Variants in MAP2 observed in about 807,000 individuals in gnomAD.
The protein encoded by MAP2 is microtubule-associated protein 2.
Under a neutral mutation model 137.6 loss-of-function variants are expected in MAP2, and 14 were observed. That is an observed-to-expected ratio of 0.10 (90% CI 0.07 to 0.16). The LOEUF is 0.16. Ranked by LOEUF, MAP2 falls within the 10% of genes least tolerant of loss-of-function variation. MAP2 has a pLI of 1.00. For missense variants in MAP2, 2,088 were observed against 2,191.5 expected (o/e 0.95, Z 0.94); for synonymous variants, 786 against 782.3 (o/e 1.00, Z -0.08).
chr2:209,489,853 A>T (rs757162558), intron 1 of MAP2, among the ~76,000 whole-genome samples: 8 of 152,248 alleles, frequency 5.3e-5, no homozygotes, highest in Non-Finnish European at 8.8e-5. Context: ...AATGGAACCA[A>T]GATGGAAAAC....
chr2:209,513,325 T>C (rs1319129775), intron 2 of MAP2, among the ~76,000 whole-genome samples: 1 of 152,146 alleles, frequency 6.6e-6, no homozygotes, highest in African/African-American at 2.4e-5. Context: ...GTTATGATTG[T>C]ATCTGGATAG....
chr2:209,470,208 T>C (rs1001972067), intron 1 of MAP2, among the ~76,000 whole-genome samples: 1 of 152,168 alleles, frequency 6.6e-6, no homozygotes. Flanking sequence ...AAACAATGCT[T>C]TGGGCAAGGC....
chr2:209,688,180 A>G (rs937176457), intron 7 of MAP2, among the ~76,000 whole-genome samples: 6 of 152,252 alleles, frequency 3.9e-5, no homozygotes, highest in East Asian at 3.9e-4. Flanking sequence ...CTTTTTCTGT[A>G]TCATTGCTTC....
intron 1 of MAP2, among the ~76,000 whole-genome samples, chr2:209,452,926 T>G (rs1475460383): frequency 6.6e-6 from 1 of 152,206 alleles, no homozygotes; most frequent in Non-Finnish European, 1.5e-5. Context: ...ATATAAATAA[T>G]TTATACCTAT....
chr2:209,677,829 C>T (rs573292976), intron 5 of MAP2, among the ~76,000 whole-genome samples: 52 of 151,980 alleles, frequency 3.4e-4, no homozygotes, highest in African/African-American at 1.2e-3. Context: ...AATATCAACT[C>T]TCTAGAAAAA....
At chr2:209,504,212 A>G (rs930900851) in intron 1 of MAP2, among the ~76,000 whole-genome samples, 1 of 152,232 alleles carries the variant, frequency 6.6e-6, no homozygotes, top group African/African-American at 2.4e-5. Flanking sequence ...GTCTTTCCAG[A>G]CACATTATGG....
At position 209,703,827 on chromosome 2, in the gene MAP2, G is replaced by A. The variant is rs116040563; in HGVS notation, c.4585-1753G>A. Among the ~76,000 whole-genome samples, 982 of 152,058 alleles carry A rather than the reference G, an allele frequency of 6.5e-3. 8 individuals carry two copies. The highest frequency in any genetic ancestry group is 0.021 in the African/African-American group (865 of 41,500). On this transcript the variant is annotated intron_variant, in intron 11 of 15. Transcript: ENST00000682079. Reference sequence around the variant, plus strand: ...CAATTATCCGCTGGTTCTCTACTGCGTACCAAACATAAACAATCACATTTG... The same window carrying A: ...CAATTATCCGCTGGTTCTCTACTGCATACCAAACATAAACAATCACATTTG...
chr2:209,524,822 G>GA (rs1465588905), intron 2 of MAP2, among the ~76,000 whole-genome samples: 5 of 151,960 alleles, frequency 3.3e-5, no homozygotes, highest in Non-Finnish European at 5.9e-5. Flanking sequence ...CAAAGGGTGT[G>GA]AAAAAAGTTA....
At chr2:209,722,539 A>C (rs1309600768) in intron 13 of MAP2, among the ~76,000 whole-genome samples, 2 of 151,986 alleles carry the variant, frequency 1.3e-5, no homozygotes. Context: ...TAGCTATTGC[A>C]GAGGTGGGGA....
chr2:209,453,381 G>A (rs966350309), intron 1 of MAP2, among the ~76,000 whole-genome samples: 8 of 152,056 alleles, frequency 5.3e-5, no homozygotes, highest in African/African-American at 1.9e-4. Context: ...TGAATTTCAT[G>A]TGTTAAAAAG....
At chr2:209,660,886 C>T (rs2043242216) in intron 5 of MAP2, among the ~76,000 whole-genome samples, 1 of 150,060 alleles carries the variant, frequency 6.7e-6, no homozygotes, top group Non-Finnish European at 1.5e-5. Context: ...AGGTGCCCGC[C>T]ACCACGCCCG....
chr2:209,664,746 G>A (rs2045459783), intron 5 of MAP2, among the ~76,000 whole-genome samples: 3 of 152,014 alleles, frequency 2.0e-5, no homozygotes, highest in Admixed American at 2.0e-4. Context: ...CAGATCACGA[G>A]GTCAGGAGAT....
intron 2 of MAP2, among the ~76,000 whole-genome samples, chr2:209,575,518 C>CAAAAAAAAAAAAAAAAAAA (rs71043942): frequency 3.5e-5 from 1 of 28,374 alleles, no homozygotes; most frequent in African/African-American, 8.5e-5. Context: ...GACTCCATCT[C>CAAAAAAAAAAAAAAAAAAA]AAAAAAAAAA....
chr2:209,708,182 G>C (rs950510939), intron 12 of MAP2, among the ~76,000 whole-genome samples: 1 of 152,076 alleles, frequency 6.6e-6, no homozygotes, highest in Non-Finnish European at 1.5e-5. Context: ...AGACATCTAC[G>C]TTACAAACTT....
intron 1 of MAP2, among the ~76,000 whole-genome samples, chr2:209,453,863 G>C (rs1428223302): frequency 6.6e-6 from 1 of 152,002 alleles, no homozygotes; most frequent in East Asian, 1.9e-4. Flanking sequence ...AAAAAAAATA[G>C]AGGACAGGCC....
intron 2 of MAP2, among the ~76,000 whole-genome samples, chr2:209,517,811 A>G (rs2062728738): frequency 6.6e-6 from 1 of 152,030 alleles, no homozygotes; most frequent in African/African-American, 2.4e-5. Context: ...CAAAAAATAG[A>G]AAAGTATATA....
Position 209,680,773 on chromosome 2 carries a change from C to A in MAP2, c.400C>A (p.Pro134Thr). The A allele has an allele frequency of 6.2e-7, 1 of 1,613,622 alleles. No homozygotes were observed. Among genetic ancestry groups the A allele is most frequent in the Non-Finnish European group, 8.5e-7 (1 of 1,179,660 alleles). Residue 134 changes from proline (P) to threonine (T), a missense_variant, in exon 7 of 16, where the codon CCT becomes ACT. Physicochemically the swap from Pro to Thr is conservative, Grantham distance 38 (BLOSUM62 -1). Transcript: ENST00000682079. ...PLAAEETANL[P>T]PSPPPSPASE... Reference sequence around the variant, plus strand: ...AGCAGCTGAAGAAACAGCTAATCTGCCTCCTTCTCCACCCCCATCACCTGC... The same window carrying A: ...AGCAGCTGAAGAAACAGCTAATCTGACTCCTTCTCCACCCCCATCACCTGC...
chr2:209,517,007 T>C (rs1045799269), intron 2 of MAP2, among the ~76,000 whole-genome samples: 2 of 152,110 alleles, frequency 1.3e-5, no homozygotes, highest in African/African-American at 4.8e-5. Context: ...AAAAATTACA[T>C]AATCTTCCAT....
chr2:209,524,848 T>C (rs1385508530), intron 2 of MAP2, among the ~76,000 whole-genome samples: 1 of 152,144 alleles, frequency 6.6e-6, no homozygotes, highest in East Asian at 1.9e-4. Flanking sequence ...AATTTTTTTT[T>C]CAATTCATTA....
Sources: allele counts gnomAD v4.1 joint callset (sites outside exome capture counted in the v4.1 genomes callset), GRCh38; gene constraint gnomAD v4.1.1; transcripts MANE v1.5; gene names NCBI Gene and HGNC (gene_info 2026-07-23, HGNC 2026-07-21).